The following ME2 variants were observed in gnomAD, a reference collection of about 807,000 sequenced individuals.
The protein encoded by ME2 is malic enzyme 2.
A neutral mutation model predicts 73.7 loss-of-function variants in ME2; 60 were observed. That is an observed-to-expected ratio of 0.81 (90% CI 0.66 to 1.01). The LOEUF is 1.01. Among genes scored for constraint, ME2 ranks in the 50% least tolerant of loss-of-function variants. The pLI is 0.00. For missense variants in ME2, 594 were observed against 705.5 expected (o/e 0.84, Z 1.79); for synonymous variants, 199 against 236.9 (o/e 0.84, Z 1.47).
Position 50,918,319 on chromosome 18 carries a change from G to T in ME2, c.734+106G>T, listed in dbSNP as rs565816556. On this transcript the variant is annotated intron_variant, in intron 7 of 15. Coordinates refer to ENST00000321341, the MANE Select transcript of ME2 (RefSeq NM_002396.5). ...CTTTATTTCTTTCCTGTGTAGATAAGCAGGAGGCGATTAAATTTTTGAGAA... is the reference window on the plus strand; with the variant it reads ...CTTTATTTCTTTCCTGTGTAGATAATCAGGAGGCGATTAAATTTTTGAGAA... 1.5e-5 allele frequency: 9 copies of T among 607,846 alleles called. No individual in the cohort carries two copies. The Admixed American group carries it at 2.9e-4, about 20-fold the overall frequency. The allele number at this position is 607,846 out of a possible 1,614,324, so 37.7% of individuals were successfully genotyped here.
At chr18:50,913,023 C>G in intron 4 of ME2, 73 bp downstream of exon 4, 1 of 1,302,480 alleles carries the variant, frequency 7.7e-7, no homozygotes. Context: ...ACACCCATTA[C>G]ATTTCTATTT....
At position 50,925,873 on chromosome 18, in the gene ME2, C is replaced by A; in HGVS notation, c.1289C>A (p.Ala430Asp). ...CCTACAGCACAGGCAGAGTGCACGG[C>A]TGAAGAAGCATATACACTTACAGAG... is the stretch of plus-strand genomic sequence containing the variant. Reference protein sequence around the residue: ...SNPTAQAECTAEEAYTLTEGR... With the variant: ...SNPTAQAECTDEEAYTLTEGR... The change falls in exon 12 of 16, where the codon GCT becomes GAT. Residue 430 changes from alanine to aspartate, a missense_variant. By Grantham distance (126) the Ala-to-Asp change is moderately radical. Transcript: ENST00000321341. The A allele has an allele frequency of 6.2e-7, 1 of 1,609,932 alleles. No individual in the cohort carries two copies. The highest frequency in any genetic ancestry group is 8.5e-7 in the Non-Finnish European group (1 of 1,176,250).
chr18:50,906,702 A>C (rs1917027328), intron 2 of ME2, among the ~76,000 whole-genome samples: 1 of 152,196 alleles, frequency 6.6e-6, no homozygotes, highest in Non-Finnish European at 1.5e-5. Flanking sequence ...ATAATTAGAC[A>C]AAGACTTAAA....
At chr18:50,921,807 G>A (rs1374713083) in intron 10 of ME2, among the ~76,000 whole-genome samples, 1 of 152,116 alleles carries the variant, frequency 6.6e-6, no homozygotes, top group Non-Finnish European at 1.5e-5. Context: ...CAGGAAAAAA[G>A]CATGTGCTCC....
In ME2 at chr18:50,948,019, G is replaced by C. The variant is rs374715148; in HGVS notation, c.*835G>C. On this transcript the variant is annotated 3_prime_UTR_variant, in exon 16 of 16. Transcript: ENST00000321341. ...ATACCTAATCATATGGGAACATCAC[G>C]TGACTTTTTAAATCTAAATTAGTCA... 9 of 152,256 alleles carry C rather than the reference G, an allele frequency of 5.9e-5. No individual in the cohort carries two copies. The East Asian group carries it at 1.7e-3, about 29-fold the overall frequency. The allele number at this position is 152,256 out of a possible 1,614,324, so 9.4% of individuals were successfully genotyped here. A position where few individuals can be genotyped will look rare whatever the true frequency, so the allele number is the denominator to read the frequency against.
chr18:50,923,162 C>T (rs1917469656), intron 10 of ME2, among the ~76,000 whole-genome samples: 2 of 152,098 alleles, frequency 1.3e-5, no homozygotes, highest in African/African-American at 4.8e-5. Context: ...ACCAGAATTC[C>T]CTGTTCCTCT....
chr18:50,945,610 G>T (rs964503735), intron 15 of ME2, among the ~76,000 whole-genome samples: 1 of 152,082 alleles, frequency 6.6e-6, no homozygotes, highest in Non-Finnish European at 1.5e-5. Flanking sequence ...TGGTACCAAG[G>T]ATTATTTTTT....
In ME2 at chr18:50,903,057, C is replaced by A. The variant is rs368926879; in HGVS notation, c.109-5006C>A. Among the ~76,000 whole-genome samples, 3 of 152,062 alleles carry A rather than the reference C, an allele frequency of 2.0e-5. No homozygotes were observed. The East Asian group carries it at 5.8e-4, about 29-fold the overall frequency. ...CTTTCAGGATCAGCTGGAGGAAGTA[C>A]ACCTCTGCTATGTAAATTGGGAGGG... On this transcript the variant is annotated intron_variant, in intron 2 of 15. Transcript: ENST00000321341.
chr18:50,880,500 A>G (rs1916292189), intron 1 of ME2, among the ~76,000 whole-genome samples: 1 of 152,250 alleles, frequency 6.6e-6, no homozygotes, highest in Non-Finnish European at 1.5e-5. Flanking sequence ...AAAAACATAC[A>G]TATAGGCCGT....
At chr18:50,928,425 A>C (rs1403410169) in intron 12 of ME2, among the ~76,000 whole-genome samples, 1 of 150,950 alleles carries the variant, frequency 6.6e-6, no homozygotes, top group African/African-American at 2.4e-5. Context: ...TTTTTAGTAG[A>C]TATGGGGTTT....
chr18:50,882,002 GT>G (rs2144172917), intron 1 of ME2, among the ~76,000 whole-genome samples: 1 of 152,212 alleles, frequency 6.6e-6, no homozygotes, highest in South Asian at 2.1e-4. Context: ...GATTTATTTT[GT>G]TTTGTTTTTG....
At chr18:50,940,513 C>G (rs764828022) in intron 15 of ME2, 127 bp downstream of exon 15, 19 of 656,978 alleles carry the variant, frequency 2.9e-5, no homozygotes, top group Non-Finnish European at 4.7e-5. Flanking sequence ...GGCCCATATT[C>G]TTACTACCAG....
At chr18:50,929,332 C>CA (rs1400850534) in intron 12 of ME2, among the ~76,000 whole-genome samples, 2 of 151,130 alleles carry the variant, frequency 1.3e-5, no homozygotes, top group African/African-American at 2.4e-5. Context: ...ACTAAAAATA[C>CA]AAAAAAATTA....
chr18:50,884,508 C>T (rs893227310), intron 1 of ME2, among the ~76,000 whole-genome samples: 11 of 152,106 alleles, frequency 7.2e-5, no homozygotes, highest in Admixed American at 2.6e-4. Flanking sequence ...CCACCATGCC[C>T]GGCTAATTTT....
intron 3 of ME2, among the ~76,000 whole-genome samples, 187 bp from the exon 4 acceptor site, chr18:50,912,614 A>C (rs1917182390): frequency 6.6e-6 from 1 of 152,084 alleles, no homozygotes; most frequent in Non-Finnish European, 1.5e-5. Flanking sequence ...AAGTACCCTC[A>C]TATTTTTGTT....
chr18:50,913,689 T>C (rs1917212406), intron 4 of ME2, among the ~76,000 whole-genome samples: 1 of 152,032 alleles, frequency 6.6e-6, no homozygotes, highest in Non-Finnish European at 1.5e-5. Context: ...CCTACAAACA[T>C]TATAAGTGGG....
intron 1 of ME2, among the ~76,000 whole-genome samples, chr18:50,894,546 T>G (rs1410466797): frequency 8.0e-6 from 1 of 125,628 alleles, no homozygotes; most frequent in Non-Finnish European, 1.6e-5. Flanking sequence ...CCAGCCTGGG[T>G]GACAGAAAGA....
intron 1 of ME2, among the ~76,000 whole-genome samples, chr18:50,892,192 T>C (rs991134527): frequency 6.6e-6 from 1 of 152,182 alleles, no homozygotes; most frequent in Non-Finnish European, 1.5e-5. Flanking sequence ...TTTGAAAGGT[T>C]TTGCTAACTG....
intron 1 of ME2, among the ~76,000 whole-genome samples, chr18:50,883,637 C>G (rs669259): frequency 6.6e-6 from 1 of 151,904 alleles, no homozygotes; most frequent in Non-Finnish European, 1.5e-5. Context: ...CCGAGGCGGG[C>G]GGATCACCTG....
Sources: allele counts gnomAD v4.1 joint callset (sites outside exome capture counted in the v4.1 genomes callset), GRCh38; gene constraint gnomAD v4.1.1; transcripts MANE v1.5; gene names NCBI Gene and HGNC (gene_info 2026-07-23, HGNC 2026-07-21).